The following SLC7A11 variants were observed in gnomAD, a reference collection of about 807,000 sequenced individuals.
SLC7A11 encodes the protein cystine/glutamate transporter.
Under a neutral mutation model 54.5 loss-of-function variants are expected in SLC7A11, and 35 were observed. That is an observed-to-expected ratio of 0.64 (90% CI 0.49 to 0.85). The LOEUF is 0.85. Ranked by LOEUF, SLC7A11 falls within the 40% of genes least tolerant of loss-of-function variation. The probability of loss-of-function intolerance (pLI) is 0.00; values close to 1 mark genes in which losing one functional copy is unlikely to be tolerated. For synonymous variants in SLC7A11, 230 were observed against 225.2 expected (o/e 1.02, Z -0.19); for missense variants, 583 against 618.1 (o/e 0.94, Z 0.60).
rs1736298178 is a variant in SLC7A11, at chr4:138,167,460, A to C, written c.*4496T>G. ...AGCCACCGTGCCGGACCTATTTAAA[A>C]ATCTTTTTGAAGTACAGTACTAATA... On this transcript the variant is annotated 3_prime_UTR_variant, in exon 12 of 12. Transcript: ENST00000280612. 1 of 152,096 alleles carries C rather than the reference A, an allele frequency of 6.6e-6. No homozygotes were observed. Among genetic ancestry groups the C allele is most frequent in the Admixed American group, 6.6e-5 (1 of 15,254 alleles). The allele number at this position is 152,096 out of a possible 1,614,324, so 9.4% of individuals were successfully genotyped here. A position where few individuals can be genotyped will look rare whatever the true frequency, so the allele number is the denominator to read the frequency against.
intron 6 of SLC7A11, among the ~76,000 whole-genome samples, chr4:138,195,796 G>C (rs749350118): frequency 2.6e-5 from 4 of 151,978 alleles, no homozygotes; most frequent in Non-Finnish European, 5.9e-5. Context: ...CATTATTAAG[G>C]GCCCTTGAAG....
chr4:138,185,076 T>C (rs1736842330), intron 7 of SLC7A11, 45 bp downstream of exon 7: 1 of 1,608,064 alleles, frequency 6.2e-7, no homozygotes, highest in Middle Eastern at 1.7e-4. Flanking sequence ...TTGCATCAGC[T>C]CATTAACCTA....
Position 138,179,261 on chromosome 4 carries a change from A to G in SLC7A11, c.1400T>C (p.Phe467Ser). 1 of 1,612,372 alleles carries G rather than the reference A, an allele frequency of 6.2e-7. No homozygotes were observed. Among genetic ancestry groups the G allele is most frequent in the Non-Finnish European group, 8.5e-7 (1 of 1,178,708 alleles). The change falls in exon 11 of 12, where the codon TTT (phenylalanine) becomes TCT (serine). Residue 467 changes from phenylalanine to serine, a missense_variant. By Grantham distance (155) the Phe-to-Ser change is radical. Coordinates refer to ENST00000280612, the MANE Select transcript of SLC7A11 (RefSeq NM_014331.4). ...CCTGGGTTTCTTGTCCCATATAATA[A>G]AGAGATAATACGCAGGGACTCCAGT... ...TLTGVPAYYL[F>S]IIWDKKPRWF...
chr4:138,168,544 A>G lies in SLC7A11; in HGVS notation c.*3412T>C, dbSNP rs1736327487. On this transcript the variant is annotated 3_prime_UTR_variant, in exon 12 of 12. Coordinates refer to ENST00000280612, the MANE Select transcript of SLC7A11 (RefSeq NM_014331.4). ...AGTTCATGAGGAATTCTGTTATGTA[A>G]TTATACTCTTGTTAACCCTCTATTG... The G allele has an allele frequency of 6.6e-6, 1 of 152,202 alleles. No individual in the cohort carries two copies. Among genetic ancestry groups the G allele is most frequent in the African/African-American group, 2.4e-5 (1 of 41,456 alleles). 9.4% of individuals were successfully genotyped at this position (152,202 alleles called of 1,614,324 possible). A position where few individuals can be genotyped will look rare whatever the true frequency, so the allele number is the denominator to read the frequency against.
At chr4:138,182,192 G>T in intron 9 of SLC7A11, 105 bp downstream of exon 9, 1 of 681,830 alleles carries the variant, frequency 1.5e-6, no homozygotes, top group South Asian at 1.8e-5. Flanking sequence ...ACATACATTA[G>T]CAATGAATGA....
rs1397861212 is a variant in SLC7A11, at chr4:138,169,984, A to G, written c.*1972T>C. 2.6e-5 allele frequency: 4 copies of G among 151,724 alleles called. No homozygotes were observed. The highest frequency in any genetic ancestry group is 5.9e-5 in the Non-Finnish European group (4 of 67,924). 9.4% of individuals were successfully genotyped at this position (151,724 alleles called of 1,614,324 possible). On this transcript the variant is annotated 3_prime_UTR_variant, in exon 12 of 12. Coordinates refer to ENST00000280612, the MANE Select transcript of SLC7A11 (RefSeq NM_014331.4). Reference sequence around the variant, plus strand: ...GAAATTACTGAATTGGAAATGCTCCAAATTATAGGTCATCATTTCTACTTT... The same window carrying G: ...GAAATTACTGAATTGGAAATGCTCCGAATTATAGGTCATCATTTCTACTTT...
intron 3 of SLC7A11, among the ~76,000 whole-genome samples, chr4:138,225,013 CAAAT>C (rs1215022538): frequency 6.7e-6 from 1 of 150,162 alleles, no homozygotes; most frequent in African/African-American, 2.4e-5. Flanking sequence ...GCTATAGTTT[CAAAT>C]ACTGAATTGT....
At chr4:138,211,934 T>C (rs1737559856) in intron 6 of SLC7A11, among the ~76,000 whole-genome samples, 1 of 151,846 alleles carries the variant, frequency 6.6e-6, no homozygotes, top group Non-Finnish European at 1.5e-5. Flanking sequence ...AAAATGCAGT[T>C]AGATAAAACA....
In SLC7A11 at chr4:138,170,248, G is replaced by A. The variant is rs866355912; in HGVS notation, c.*1708C>T. On this transcript the variant is annotated 3_prime_UTR_variant, in exon 12 of 12. Coordinates refer to ENST00000280612, the MANE Select transcript of SLC7A11 (RefSeq NM_014331.4). ...ATATATAAAAAGTGTGTGTGTGTGT[G>A]TGTATATATATATATATATATATAC... 826 of 89,148 alleles carry A rather than the reference G, an allele frequency of 9.3e-3. 13 individuals are homozygous for A. The highest frequency in any genetic ancestry group is 0.028 in the African/African-American group (703 of 25,340). The allele number at this position is 89,148 out of a possible 1,614,324, so 5.5% of individuals were successfully genotyped here.
At chr4:138,240,516 G>C (rs930648962) in intron 1 of SLC7A11, among the ~76,000 whole-genome samples, 3 of 146,592 alleles carry the variant, frequency 2.0e-5, no homozygotes, top group Non-Finnish European at 4.5e-5. Flanking sequence ...GCAGTGAGCC[G>C]AGATCACACC....
rs1738396064 is a variant in SLC7A11 at position 138,242,066 on chromosome 4, C to A, written c.4G>T (p.Val2Phe). 1.2e-6 allele frequency: 2 copies of A among 1,613,862 alleles called. No homozygotes were observed. The highest frequency in any genetic ancestry group is 2.2e-5 in the East Asian group (1 of 44,876). Residue 2 changes from valine to phenylalanine, a missense_variant, in exon 1 of 12, where the codon GTC (valine) becomes TTC (phenylalanine). Val to Phe is a conservative substitution (Grantham distance 50, BLOSUM62 -1). Coordinates refer to ENST00000280612, the MANE Select transcript of SLC7A11 (RefSeq NM_014331.4). ...ATGGTGGACACAACAGGCTTTCTGA[C>A]CATAGTAGGGACACACGGGGGAAAA... is the stretch of plus-strand genomic sequence containing the variant. M[V>F]RKPVVSTISK...
chr4:138,223,757 A>G (rs941099332), intron 3 of SLC7A11, among the ~76,000 whole-genome samples: 1 of 152,142 alleles, frequency 6.6e-6, no homozygotes, highest in Non-Finnish European at 1.5e-5. Flanking sequence ...ATCACACTCA[A>G]GAAGGAGCAA....
intron 6 of SLC7A11, among the ~76,000 whole-genome samples, chr4:138,186,668 G>A (rs533834409): frequency 1.3e-5 from 2 of 152,218 alleles, no homozygotes; most frequent in Non-Finnish European, 2.9e-5. Flanking sequence ...AGTTGTGGTT[G>A]ATAAATGCTA....
intron 6 of SLC7A11, among the ~76,000 whole-genome samples, chr4:138,196,872 C>A (rs1330262885): frequency 6.6e-6 from 1 of 152,064 alleles, no homozygotes; most frequent in East Asian, 1.9e-4. Flanking sequence ...GTTGGCCAGG[C>A]TGGTCTCAAG....
At chr4:138,177,014 A>G (rs1655910859) in intron 11 of SLC7A11, 1 of 152,138 alleles carries the variant, frequency 6.6e-6, no homozygotes, top group African/African-American at 2.4e-5. Flanking sequence ...GCCATAAAGC[A>G]CCTCATTTGT....
chr4:138,242,177 T>A lies in SLC7A11; in HGVS notation c.-108A>T, dbSNP rs938883464. The A allele has an allele frequency of 1.6e-5, 21 of 1,279,638 alleles. No individual in the cohort carries two copies. Among genetic ancestry groups the A allele is most frequent in the Non-Finnish European group, 2.3e-5 (21 of 930,036 alleles). The allele number at this position is 1,279,638 out of a possible 1,614,324, so 79.3% of individuals were successfully genotyped here. A position where few individuals can be genotyped will look rare whatever the true frequency, so the allele number is the denominator to read the frequency against. Reference sequence around the variant, plus strand: ...GATGTCTTCCTCTGCTTTCAGACTGTCTCTCTCAGCGCTATAGTGTTCACA... The same window carrying A: ...GATGTCTTCCTCTGCTTTCAGACTGACTCTCTCAGCGCTATAGTGTTCACA... On this transcript the variant is annotated 5_prime_UTR_variant, in exon 1 of 12. Coordinates refer to ENST00000280612, the MANE Select transcript of SLC7A11 (RefSeq NM_014331.4).
intron 2 of SLC7A11, among the ~76,000 whole-genome samples, chr4:138,232,694 G>C (rs553896294): frequency 2.0e-5 from 3 of 152,228 alleles, no homozygotes; most frequent in South Asian, 4.1e-4. Flanking sequence ...GACAGAGCTA[G>C]GCTTACAGGA....
At chr4:138,240,989 G>A (rs1310539306) in intron 1 of SLC7A11, among the ~76,000 whole-genome samples, 1 of 152,106 alleles carries the variant, frequency 6.6e-6, no homozygotes, top group African/African-American at 2.4e-5. Flanking sequence ...TTATACTTCT[G>A]CCAGTTCCCT....
intron 6 of SLC7A11, among the ~76,000 whole-genome samples, chr4:138,206,526 A>T (rs1737411904): frequency 6.6e-6 from 1 of 151,676 alleles, no homozygotes; most frequent in Admixed American, 6.6e-5. Context: ...TCATAGTGGA[A>T]TTGGAATCCT....
Sources: allele counts gnomAD v4.1 joint callset (sites outside exome capture counted in the v4.1 genomes callset), GRCh38; gene constraint gnomAD v4.1.1; transcripts MANE v1.5; gene names NCBI Gene and HGNC (gene_info 2026-07-23, HGNC 2026-07-21).